Variants in SLF2 observed in about 807,000 individuals in gnomAD.
The protein encoded by SLF2 is SMC5/6 complex localization factor 2.
In SLF2, 68 loss-of-function variants were observed where a neutral mutation model predicts 124.3. The observed-to-expected ratio is 0.55, with a 90% CI of 0.45 to 0.67. The LOEUF (loss-of-function observed/expected upper bound fraction) is 0.67. Among genes scored for constraint, SLF2 ranks in the 30% least tolerant of loss-of-function variants. The probability of loss-of-function intolerance (pLI) is 0.00; values close to 1 mark genes in which losing one functional copy is unlikely to be tolerated. For missense variants in SLF2, 1,246 were observed against 1,373.7 expected (o/e 0.91, Z 1.47); for synonymous variants, 480 against 478.8 (o/e 1.00, Z -0.03).
At chr10:100,940,853 TGAG>T (rs1223965196) in intron 11 of SLF2, among the ~76,000 whole-genome samples, 16 of 139,394 alleles carry the variant, frequency 1.1e-4, no homozygotes, top group African/African-American at 3.7e-4. Flanking sequence ...CTTCCTTCCA[TGAG>T]ATGAGGTCTT....
At chr10:100,942,221 T>G (rs982676879) in intron 11 of SLF2, among the ~76,000 whole-genome samples, 1 of 152,170 alleles carries the variant, frequency 6.6e-6, no homozygotes, top group African/African-American at 2.4e-5. Flanking sequence ...CCCACAAGAC[T>G]GCCACCACTT....
intron 12 of SLF2, among the ~76,000 whole-genome samples, chr10:100,944,978 C>T (rs939930166): frequency 6.6e-6 from 1 of 151,190 alleles, no homozygotes; most frequent in African/African-American, 2.4e-5. Flanking sequence ...TGCAGTAAGC[C>T]GAGATCACAC....
chr10:100,938,584 C>A lies in SLF2; in HGVS notation c.2513-11C>A. 1 of 1,602,200 alleles carries A rather than the reference C, an allele frequency of 6.2e-7. No homozygotes were observed. Among genetic ancestry groups the A allele is most frequent in the Non-Finnish European group, 8.5e-7 (1 of 1,176,124 alleles). On this transcript the variant is annotated splice_polypyrimidine_tract_variant and intron_variant, in intron 10 of 19. Coordinates refer to ENST00000238961, the MANE Select transcript of SLF2 (RefSeq NM_018121.4). The stretch of plus-strand genomic sequence containing the variant: ...CAGATTTAGAATGAAATGTTTTCTT[C>A]TGTTAATTAGATACCTTCAGTGACT...
At chr10:100,928,607 A>G (rs952860207) in intron 6 of SLF2, among the ~76,000 whole-genome samples, 1 of 152,186 alleles carries the variant, frequency 6.6e-6, no homozygotes, top group Admixed American at 6.6e-5. Flanking sequence ...CTTGTTTAAA[A>G]TAACTTAATC....
chr10:100,922,123 G>A (rs1020456650), intron 4 of SLF2, among the ~76,000 whole-genome samples: 2 of 152,092 alleles, frequency 1.3e-5, no homozygotes, highest in African/African-American at 2.4e-5. Context: ...TTACTCTGGT[G>A]CCCAGGCTGG....
At position 100,962,491 on chromosome 10, in the gene SLF2, T is replaced by C. The variant is rs1285379410; in HGVS notation, c.*579T>C. 1 of 152,656 alleles carries C rather than the reference T, an allele frequency of 6.6e-6. No individual in the cohort carries two copies. The highest frequency in any genetic ancestry group is 1.9e-4 in the East Asian group (1 of 5,198). 9.5% of individuals were successfully genotyped at this position (152,656 alleles called of 1,614,324 possible). On this transcript the variant is annotated 3_prime_UTR_variant, in exon 20 of 20. Transcript: ENST00000238961. ...ATGCATTTTCCTTCATTACTCAAGA[T>C]TATAAATCTGTTTTTAAAATACATC...
At chr10:100,945,584 C>T in intron 13 of SLF2, 78 bp downstream of exon 13, 1 of 1,098,842 alleles carries the variant, frequency 9.1e-7, no homozygotes, top group Non-Finnish European at 1.2e-6. Context: ...GGAATTAATA[C>T]TGTTTCTAAA....
chr10:100,940,926 C>CCT (rs1025707300), intron 11 of SLF2, among the ~76,000 whole-genome samples: 10 of 151,112 alleles, frequency 6.6e-5, no homozygotes, highest in African/African-American at 2.0e-4. Flanking sequence ...GCCTCGAACT[C>CCT]CTGAGTTCAA....
intron 19 of SLF2, 97 bp from the exon 20 acceptor site, chr10:100,961,780 C>T: frequency 9.8e-7 from 1 of 1,020,546 alleles, no homozygotes; most frequent in Non-Finnish European, 1.4e-6. Flanking sequence ...CTTGTCTTAT[C>T]AAAGCCCATT....
In SLF2 at chr10:100,963,666, A is replaced by G. The variant is rs186248477; in HGVS notation, c.*1754A>G. The G allele has an allele frequency of 4.0e-3, 608 of 152,622 alleles. 2 individuals are homozygous for G. The highest frequency in any genetic ancestry group is 5.9e-3 in the Non-Finnish European group (399 of 68,004). The allele number at this position is 152,622 out of a possible 1,614,324, so 9.5% of individuals were successfully genotyped here. A position where few individuals can be genotyped will look rare whatever the true frequency, so the allele number is the denominator to read the frequency against. ...CGTGTTCATATTTTTCTCATTTTGC[A>G]TTGTGTAAAGTGTACAAAATCTCAA... On this transcript the variant is annotated 3_prime_UTR_variant, in exon 20 of 20. Coordinates refer to ENST00000238961, the MANE Select transcript of SLF2 (RefSeq NM_018121.4).
chr10:100,925,719 A>G (rs1589947346), intron 5 of SLF2, among the ~76,000 whole-genome samples: 1 of 152,210 alleles, frequency 6.6e-6, no homozygotes, highest in Non-Finnish European at 1.5e-5. Flanking sequence ...TCTCAAAGTT[A>G]GCAGGGTTTT....
Position 100,961,880 on chromosome 10 carries a change from C to G in SLF2, c.3490C>G (p.Gln1164Glu), listed in dbSNP as rs1651189917. ...IIQNCRPTQG[Q>E]LHDFWVPDS Reference sequence around the variant, plus strand: ...TTTTTCTCCTTCCCTTTTTTAGGGGCAGCTTCATGACTTCTGGGTACCAGA... The same window carrying G: ...TTTTTCTCCTTCCCTTTTTTAGGGGGAGCTTCATGACTTCTGGGTACCAGA... Residue 1164 changes from glutamine to glutamate, a missense_variant, in exon 20 of 20, where the codon CAG becomes GAG. Around this residue, in one of 3 missense-constraint regions of SLF2, gnomAD observed 535 missense variants for 632.8 expected, o/e 0.85. Coordinates refer to ENST00000238961, the MANE Select transcript of SLF2 (RefSeq NM_018121.4). 3 of 1,606,380 alleles carry G rather than the reference C, an allele frequency of 1.9e-6. No individual in the cohort carries two copies. The highest frequency in any genetic ancestry group is 2.6e-6 in the Non-Finnish European group (3 of 1,174,800).
intron 14 of SLF2, 69 bp from the exon 15 acceptor site, chr10:100,947,691 C>A: frequency 2.8e-6 from 3 of 1,084,608 alleles, no homozygotes; most frequent in South Asian, 1.4e-5. Context: ...CTCCTCTTGG[C>A]TCATTCATTT....
chr10:100,918,498 G>T lies in SLF2; in HGVS notation c.973+57G>T. ...AATAAATTTCCATTTTAATGGCACT[G>T]CTTTTTAAAATAAATTTGTTTAAAT... is the stretch of plus-strand genomic sequence containing the variant. On this transcript the variant is annotated intron_variant, in intron 4 of 19. Coordinates refer to ENST00000238961, the MANE Select transcript of SLF2 (RefSeq NM_018121.4). 4 of 1,138,684 alleles carry T rather than the reference G, an allele frequency of 3.5e-6. No homozygotes were observed. The Admixed American group carries it at 8.8e-5, about 25-fold the overall frequency. 70.5% of individuals were successfully genotyped at this position (1,138,684 alleles called of 1,614,324 possible).
chr10:100,938,655 T>A lies in SLF2; in HGVS notation c.2573T>A (p.Val858Glu). 6.2e-7 allele frequency: 1 copy of A among 1,613,784 alleles called. No individual in the cohort carries two copies. Among genetic ancestry groups the A allele is most frequent in the South Asian group, 1.1e-5 (1 of 91,012 alleles). Residue 858 changes from valine (V) to glutamate (E), a missense_variant, in exon 11 of 20, where the codon GTG (valine) becomes GAG (glutamate). By Grantham distance (121) the Val-to-Glu change is moderately radical. Around this residue, in one of 3 missense-constraint regions of SLF2, gnomAD observed 535 missense variants for 632.8 expected, o/e 0.85. Coordinates refer to ENST00000238961, the MANE Select transcript of SLF2 (RefSeq NM_018121.4). ...WIPSLSDVAA[V>E]FFNMGIDFRS... Reference sequence around the variant, plus strand: ...CCATCATTGTCTGATGTAGCAGCTGTGTTTTTCAATATGGGGATTGATTTT... The same window carrying A: ...CCATCATTGTCTGATGTAGCAGCTGAGTTTTTCAATATGGGGATTGATTTT...
intron 13 of SLF2, 126 bp downstream of exon 13, chr10:100,945,632 G>T (rs1850090585): frequency 1.4e-6 from 1 of 728,268 alleles, no homozygotes; most frequent in African/African-American, 1.9e-5. Flanking sequence ...AACTGAGGAA[G>T]GGAATGTTTG....
chr10:100,961,850 C>G, intron 19 of SLF2, 27 bp from the exon 20 acceptor site: 2 of 1,601,218 alleles, frequency 1.2e-6, no homozygotes, highest in Non-Finnish European at 1.7e-6. Flanking sequence ...TTTGCTTTAC[C>G]CTCTTTTTTC....
rs115019908 is a variant in SLF2, at chr10:100,935,109, T to C, written c.2437-2293T>C. Among the ~76,000 whole-genome samples the C allele has an allele frequency of 8.9e-3, 1,362 of 152,254 alleles. 32 individuals are homozygous for C. Among genetic ancestry groups the C allele is most frequent in the African/African-American group, 0.031 (1,298 of 41,564 alleles). ...CAAAAAATTGTCTTGTAAAAAGTTA[T>C]GTCAGGCGGGGCGTGATGGCTCATG... On this transcript the variant is annotated intron_variant, in intron 9 of 19. Transcript: ENST00000238961.
rs1265493660 is a variant in SLF2 at position 100,959,440 on chromosome 10, G to A, written c.3430G>A (p.Val1144Ile). Residue 1144 changes from valine (V) to isoleucine (I), a missense_variant, in exon 19 of 20, where the codon GTC becomes ATC. Coordinates refer to ENST00000238961, the MANE Select transcript of SLF2 (RefSeq NM_018121.4). ...TGATATTTTTAAGGTGAAAGACTTGGTCGCCAGGATACATGGAAAATGGCA... is the reference window on the plus strand; with the variant it reads ...TGATATTTTTAAGGTGAAAGACTTGATCGCCAGGATACATGGAAAATGGCA... ...LFYRTKVKDL[V>I]ARIHGKWQEI... 4 of 1,605,886 alleles carry A rather than the reference G, an allele frequency of 2.5e-6. No homozygotes were observed. The highest frequency in any genetic ancestry group is 3.4e-6 in the Non-Finnish European group (4 of 1,177,976).
Sources: gnomAD v4.1 joint callset for allele counts (sites outside exome capture counted in the v4.1 genomes callset) on GRCh38, gnomAD v4.1.1 for gene constraint, gnomAD v4.1.1 regional missense constraint, MANE v1.5 for transcripts, NCBI Gene and HGNC (gene_info 2026-07-23, HGNC 2026-07-21) for gene names.